Variants in ABLIM1 observed in about 807,000 individuals in gnomAD.
ABLIM1 encodes actin-binding LIM protein 1.
A neutral mutation model predicts 107.0 loss-of-function variants in ABLIM1; 40 were observed. That is an observed-to-expected ratio of 0.37 (90% CI 0.29 to 0.49). The LOEUF (loss-of-function observed/expected upper bound fraction) is 0.49, where lower values mean the gene tolerates loss of function less well. Among genes scored for constraint, ABLIM1 ranks in the 20% least tolerant of loss-of-function variants. The pLI, the probability that ABLIM1 is intolerant of heterozygous loss-of-function variation, is 0.97. For synonymous variants in ABLIM1, 357 were observed against 357.3 expected (o/e 1.00, Z 0.01); for missense variants, 857 against 1,008.5 (o/e 0.85, Z 2.04).
chr10:114,653,564 A>G lies in ABLIM1; in HGVS notation c.244+4393T>C, dbSNP rs999463723. 3.9e-5 allele frequency among the ~76,000 whole-genome samples: 6 copies of G among 152,228 alleles called. No homozygotes were observed. The East Asian group carries it at 7.7e-4, about 20-fold the overall frequency. ...GTCTCAGAAACAAAACCAAACAAAA[A>G]AAGACACTTATCACAATGTTTGAGA... On this transcript the variant is annotated intron_variant, in intron 1 of 22. Transcript: ENST00000533213.
intron 8 of ABLIM1, among the ~76,000 whole-genome samples, chr10:114,476,043 AAGGCAAAC>A (rs1236858093): frequency 6.6e-6 from 1 of 152,240 alleles, no homozygotes; most frequent in African/African-American, 2.4e-5. Context: ...TGAAGCAATG[AAGGCAAAC>A]ATATCTGGCC....
chr10:114,579,876 C>T (rs542713971), intron 2 of ABLIM1, among the ~76,000 whole-genome samples: 17 of 152,240 alleles, frequency 1.1e-4, no homozygotes, highest in Admixed American at 6.5e-4. Flanking sequence ...TTATCCAAAA[C>T]TTGTAAACAA....
chr10:114,601,546 G>C (rs115915733), intron 2 of ABLIM1, among the ~76,000 whole-genome samples: 6 of 152,172 alleles, frequency 3.9e-5, no homozygotes, highest in Non-Finnish European at 8.8e-5. Context: ...GATTATAGGC[G>C]TGAGCCGGCC....
intron 18 of ABLIM1, among the ~76,000 whole-genome samples, 156 bp from the exon 19 acceptor site, chr10:114,441,233 G>A (rs1174447337): frequency 6.6e-6 from 1 of 151,870 alleles, no homozygotes; most frequent in African/African-American, 2.4e-5. Context: ...CTACTGCTAT[G>A]CCATCTCTTT....
chr10:114,693,793 A>C (rs2071097666), intron 1 of ABLIM1, among the ~76,000 whole-genome samples: 1 of 151,526 alleles, frequency 6.6e-6, no homozygotes, highest in Non-Finnish European at 1.5e-5. Flanking sequence ...GGACACAGGC[A>C]CATGCTACCA....
chr10:114,505,974 A>C (rs2061074192), intron 6 of ABLIM1, among the ~76,000 whole-genome samples: 1 of 152,180 alleles, frequency 6.6e-6, no homozygotes, highest in African/African-American at 2.4e-5. Context: ...CCAGGTAGTA[A>C]GCATAGTAAC....
At chr10:114,700,916 G>A (rs1050597068) in intron 1 of ABLIM1, among the ~76,000 whole-genome samples, 1 of 151,962 alleles carries the variant, frequency 6.6e-6, no homozygotes, top group African/African-American at 2.4e-5. Flanking sequence ...TCACAAAAAT[G>A]TATAAAAATT....
At chr10:114,491,367 C>T (rs1420691665) in intron 7 of ABLIM1, among the ~76,000 whole-genome samples, 3 of 152,000 alleles carry the variant, frequency 2.0e-5, no homozygotes, top group Admixed American at 1.3e-4. Context: ...TCAAAAAGCC[C>T]TTCTCACAGG....
intron 6 of ABLIM1, among the ~76,000 whole-genome samples, chr10:114,538,091 A>G (rs2066229278): frequency 6.6e-6 from 1 of 152,234 alleles, no homozygotes; most frequent in South Asian, 2.1e-4. Context: ...TAACATACTT[A>G]AAATACCTAT....
intron 4 of ABLIM1, among the ~76,000 whole-genome samples, chr10:114,570,598 T>G (rs2071505235): frequency 8.6e-4 from 2 of 2,314 alleles, no homozygotes; most frequent in South Asian, 0.021. Flanking sequence ...TTTTCTGGGT[T>G]TTTTTTTTTT....
the ABLIM1 span, among the ~76,000 whole-genome samples, chr10:114,795,702 T>TC: frequency 0.05 from 7,260 of 146,654 alleles, 599 homozygotes; most frequent in African/African-American, 0.17. Context: ...AGAGCGAGAC[T>TC]CCATCTCAAA....
chr10:114,681,851 G>A (rs758552561), intron 1 of ABLIM1, among the ~76,000 whole-genome samples: 2 of 152,134 alleles, frequency 1.3e-5, no homozygotes, highest in Non-Finnish European at 2.9e-5. Flanking sequence ...CCCACTCCTG[G>A]GGCACGTTCC....
upstream of ABLIM1, among the ~76,000 whole-genome samples, chr10:114,660,439 T>C (rs888584989): frequency 3.0e-5 from 4 of 133,664 alleles, no homozygotes; most frequent in Admixed American, 3.0e-4. Flanking sequence ...CCTCCAAAAC[T>C]ATTGAAATTT....
chr10:114,514,168 A>C (rs1236552520), intron 6 of ABLIM1, among the ~76,000 whole-genome samples: 1 of 152,112 alleles, frequency 6.6e-6, no homozygotes, highest in Non-Finnish European at 1.5e-5. Flanking sequence ...TCACGCCTGT[A>C]ATCCTAACAC....
intron 1 of ABLIM1, among the ~76,000 whole-genome samples, chr10:114,704,341 G>A (rs1318102572): frequency 7.7e-5 from 7 of 91,236 alleles, no homozygotes; most frequent in African/African-American, 2.4e-4. Context: ...TATATTGCGC[G>A]CGTTACATCT....
chr10:114,445,306 A>G lies in ABLIM1; in HGVS notation c.1827+6T>C. On this transcript the variant is annotated splice_donor_region_variant and intron_variant, in intron 16 of 22. Coordinates refer to ENST00000533213, the MANE Select transcript of ABLIM1 (RefSeq NM_002313.7). ...AAGACAGCAGCAAGGTAGTTTAAGG[A>G]CAAACCTTCATTAATTGCTCTTCTT... The G allele has an allele frequency of 6.2e-7, 1 of 1,613,516 alleles. No homozygotes were observed. Among genetic ancestry groups the G allele is most frequent in the African/African-American group, 1.3e-5 (1 of 75,048 alleles).
intron 1 of ABLIM1, among the ~76,000 whole-genome samples, chr10:114,764,637 C>T (rs774858165): frequency 3.9e-5 from 6 of 152,220 alleles, no homozygotes; most frequent in African/African-American, 1.4e-4. Flanking sequence ...CCACCGCACC[C>T]GGCCAATTGA....
intron 4 of ABLIM1, among the ~76,000 whole-genome samples, chr10:114,554,723 G>A (rs2068508506): frequency 6.6e-6 from 1 of 152,094 alleles, no homozygotes; most frequent in African/African-American, 2.4e-5. Context: ...TAATTAAGGT[G>A]GAAAAGGCAG....
chr10:114,658,293 C>CTG, upstream of ABLIM1: 5 of 1,512,804 alleles, frequency 3.3e-6, no homozygotes, highest in Non-Finnish European at 4.4e-6. Context: ...TGGCTCCTTA[C>CTG]TGTCTCCTTT....
Sources: gnomAD v4.1 joint callset for allele counts (sites outside exome capture counted in the v4.1 genomes callset) on GRCh38, gnomAD v4.1.1 for gene constraint, MANE v1.5 for transcripts, NCBI Gene and HGNC (gene_info 2026-07-23, HGNC 2026-07-21) for gene names.